The following FRK variants were observed in gnomAD, a reference collection of about 807,000 sequenced individuals.
The protein encoded by FRK is fyn related Src family tyrosine kinase.
FRK carries 51 observed loss-of-function variants against 56.4 expected under a neutral mutation model. The ratio of observed to expected loss-of-function variants is 0.90; its 90% CI spans 0.72 to 1.14. FRK has a LOEUF of 1.14. Among genes scored for constraint, FRK ranks in the 50% most tolerant of loss-of-function variants. The pLI is 0.00. For missense variants in FRK, 570 were observed against 601.4 expected (o/e 0.95, Z 0.55); for synonymous variants, 245 against 217.9 (o/e 1.12, Z -1.10).
the FRK span, among the ~76,000 whole-genome samples, chr6:116,091,995 T>C: frequency 6.6e-6 from 1 of 152,178 alleles, no homozygotes; most frequent in Non-Finnish European, 1.5e-5. Flanking sequence ...TGGGTCCTAA[T>C]GCCAGTCAGA....
intron 1 of FRK, among the ~76,000 whole-genome samples, chr6:116,009,414 A>G (rs1225860997): frequency 6.6e-6 from 1 of 152,240 alleles, no homozygotes; most frequent in East Asian, 1.9e-4. Flanking sequence ...TCTAATGTAC[A>G]TTAAATTTGA....
the FRK span, among the ~76,000 whole-genome samples, chr6:116,076,628 C>T: frequency 5.9e-5 from 9 of 152,160 alleles, no homozygotes; most frequent in African/African-American, 2.2e-4. Flanking sequence ...CATTGTTGCA[C>T]TTATTTTGAG....
At chr6:115,977,979 A>G (rs909576254) in intron 2 of FRK, among the ~76,000 whole-genome samples, 1 of 152,182 alleles carries the variant, frequency 6.6e-6, no homozygotes, top group Non-Finnish European at 1.5e-5. Flanking sequence ...AATTTAATTG[A>G]AAATTACAAT....
the FRK span, among the ~76,000 whole-genome samples, chr6:116,099,269 C>G: frequency 6.6e-6 from 1 of 152,196 alleles, no homozygotes; most frequent in Non-Finnish European, 1.5e-5. Context: ...ACTCTTCCCT[C>G]TTACAATGAA....
At chr6:116,052,182 A>C (rs1348381800) in intron 1 of FRK, among the ~76,000 whole-genome samples, 1 of 152,198 alleles carries the variant, frequency 6.6e-6, no homozygotes, top group East Asian at 1.9e-4. Context: ...ACGACTCTTA[A>C]GTATTTTCTC....
Position 115,944,287 on chromosome 6 carries a change from T to C in FRK, c.1097A>G (p.Asn366Ser), listed in dbSNP as rs1772328744. 4 of 1,612,678 alleles carry C rather than the reference T, an allele frequency of 2.5e-6. No homozygotes were observed. The highest frequency in any genetic ancestry group is 3.4e-6 in the Non-Finnish European group (4 of 1,179,582). ...TCCAAAATCTGCTACTTTGTAGATA[T>C]TATGTTCACCAACGAGGACATTTCT... ...AARNVLVGEHNIYKVADFGLA... is the reference protein window; with the variant it reads ...AARNVLVGEHSIYKVADFGLA... Residue 366 changes from asparagine to serine, a missense_variant, in exon 6 of 8, where the codon AAT becomes AGT. Coordinates refer to ENST00000606080, the MANE Select transcript of FRK (RefSeq NM_002031.3).
the FRK span, among the ~76,000 whole-genome samples, chr6:116,085,253 T>G: frequency 2.0e-5 from 3 of 152,214 alleles, no homozygotes; most frequent in East Asian, 3.9e-4. Context: ...CTAGGATAGG[T>G]TGGTACATAC....
At position 115,942,250 on chromosome 6, in the gene FRK, T is replaced by A; in HGVS notation, c.*164A>T. ...CTGTCCTGCAGTGTTGCCCAGTCAA[T>A]AAAATGCACAAATAATCTTTTTCAT... On this transcript the variant is annotated 3_prime_UTR_variant, in exon 8 of 8. Transcript: ENST00000606080. The A allele has an allele frequency of 1.6e-6, 1 of 615,370 alleles. No individual in the cohort carries two copies. The highest frequency in any genetic ancestry group is 2.8e-6 in the Non-Finnish European group (1 of 353,104). 38.1% of individuals were successfully genotyped at this position (615,370 alleles called of 1,614,324 possible).
chr6:116,055,577 C>T (rs917048850), intron 1 of FRK, among the ~76,000 whole-genome samples: 5 of 152,206 alleles, frequency 3.3e-5, no homozygotes, highest in African/African-American at 1.2e-4. Flanking sequence ...AAAGGTATGC[C>T]ATGCTCAAAT....
rs1771977710 is a variant in FRK at position 115,932,728 on chromosome 6, A to G, written c.*9686T>C. The G allele has an allele frequency of 6.6e-6, 1 of 152,226 alleles. No individual in the cohort carries two copies. The highest frequency in any genetic ancestry group is 6.5e-5 in the Admixed American group (1 of 15,284). 9.4% of individuals were successfully genotyped at this position (152,226 alleles called of 1,614,324 possible). Reference sequence around the variant, plus strand: ...TGGCATATGCTTAACAAACCATGGAACACCAGCTGGGCTCTGCTTCCTTCA... The same window carrying G: ...TGGCATATGCTTAACAAACCATGGAGCACCAGCTGGGCTCTGCTTCCTTCA... On this transcript the variant is annotated 3_prime_UTR_variant, in exon 8 of 8. Coordinates refer to ENST00000606080, the MANE Select transcript of FRK (RefSeq NM_002031.3).
Position 115,946,344 on chromosome 6 carries a change from T to A in FRK, c.959-1919A>T, listed in dbSNP as rs146885166. On this transcript the variant is annotated intron_variant, in intron 5 of 7. Coordinates refer to ENST00000606080, the MANE Select transcript of FRK (RefSeq NM_002031.3). ...ACATTCCTATGCCTCAGTTTCCTCA[T>A]CTGTACAATGATAATAGTAACTACT... Among the ~76,000 whole-genome samples the A allele has an allele frequency of 3.0e-3, 461 of 152,318 alleles. 12 individuals carry two copies. The South Asian group carries it at 0.035, about 12-fold the overall frequency.
Position 115,935,758 on chromosome 6 carries a change from A to C in FRK, c.*6656T>G, listed in dbSNP as rs775900599. Reference sequence around the variant, plus strand: ...GAGTTCGAATTGGGTAGAGCCCACCACCTCAGCTCAGCAAGGCCACTCTGG... The same window carrying C: ...GAGTTCGAATTGGGTAGAGCCCACCCCCTCAGCTCAGCAAGGCCACTCTGG... On this transcript the variant is annotated 3_prime_UTR_variant, in exon 8 of 8. Coordinates refer to ENST00000606080, the MANE Select transcript of FRK (RefSeq NM_002031.3). 4 of 152,098 alleles carry C rather than the reference A, an allele frequency of 2.6e-5. No individual in the cohort carries two copies. The highest frequency in any genetic ancestry group is 5.9e-5 in the Non-Finnish European group (4 of 68,088). The allele number at this position is 152,098 out of a possible 1,614,324, so 9.4% of individuals were successfully genotyped here. A position where few individuals can be genotyped will look rare whatever the true frequency, so the allele number is the denominator to read the frequency against.
the FRK span, among the ~76,000 whole-genome samples, chr6:116,080,533 T>C: frequency 6.6e-6 from 1 of 152,194 alleles, no homozygotes; most frequent in Non-Finnish European, 1.5e-5. Context: ...AATGTTAAAC[T>C]TCTATAACAT....
At chr6:115,972,137 A>G (rs1562264554) in intron 2 of FRK, among the ~76,000 whole-genome samples, 1 of 152,042 alleles carries the variant, frequency 6.6e-6, no homozygotes, top group African/African-American at 2.4e-5. Context: ...CTCCCACCAC[A>G]TTCTCCCTTA....
At chr6:116,055,747 T>C (rs142793723) in intron 1 of FRK, among the ~76,000 whole-genome samples, 1 of 152,334 alleles carries the variant, frequency 6.6e-6, no homozygotes, top group East Asian at 1.9e-4. Flanking sequence ...GCCTATAGAA[T>C]GGACTTAAGA....
intron 1 of FRK, among the ~76,000 whole-genome samples, chr6:116,018,777 T>C (rs188394714): frequency 6.6e-6 from 1 of 152,282 alleles, no homozygotes; most frequent in East Asian, 1.9e-4. Context: ...CACCATGCTC[T>C]TTGCCTGGGA....
chr6:115,957,408 T>A (rs575008684), intron 4 of FRK, among the ~76,000 whole-genome samples: 1 of 152,332 alleles, frequency 6.6e-6, no homozygotes, highest in South Asian at 2.1e-4. Flanking sequence ...ATTTCATCAG[T>A]AATTTTAAAA....
At chr6:115,991,019 C>A (rs1774581616) in intron 2 of FRK, among the ~76,000 whole-genome samples, 1 of 151,300 alleles carries the variant, frequency 6.6e-6, no homozygotes, top group Non-Finnish European at 1.5e-5. Context: ...AGGTATTTTA[C>A]CTTTGTTGTG....
chr6:116,025,794 TAATA>T (rs1456953207), intron 1 of FRK, among the ~76,000 whole-genome samples: 2 of 152,300 alleles, frequency 1.3e-5, no homozygotes, highest in African/African-American at 4.8e-5. Flanking sequence ...CAATACAGAA[TAATA>T]AATACTGTTG....
Sources: gnomAD v4.1 joint callset for allele counts (sites outside exome capture counted in the v4.1 genomes callset) on GRCh38, gnomAD v4.1.1 for gene constraint, MANE v1.5 for transcripts, NCBI Gene and HGNC (gene_info 2026-07-23, HGNC 2026-07-21) for gene names.